ITM2C: variants seen among roughly 807,000 people sequenced by gnomAD.
ITM2C encodes BRICHOS domain containing 2C.
ITM2C carries 20 observed loss-of-function variants against 30.0 expected under a neutral mutation model. The ratio of observed to expected loss-of-function variants is 0.67; its 90% CI spans 0.47 to 0.97. ITM2C has a LOEUF of 0.97. Among genes scored for constraint, ITM2C ranks in the 50% least tolerant of loss-of-function variants. The pLI is 0.00. For synonymous variants in ITM2C, 167 were observed against 156.4 expected, an observed-to-expected ratio of 1.07 and a Z score of -0.51; for missense variants, 366 against 371.9, an observed-to-expected ratio of 0.98 and a Z score of 0.13.
intron 1 of ITM2C, among the ~76,000 whole-genome samples, chr2:230,868,506 C>T (rs1697087874): frequency 1.3e-5 from 2 of 152,090 alleles, no homozygotes; most frequent in Non-Finnish European, 2.9e-5. Flanking sequence ...CATGCACGCA[C>T]AGATGTGGGC....
intron 1 of ITM2C, among the ~76,000 whole-genome samples, chr2:230,869,970 G>A (rs1336733902): frequency 6.6e-6 from 1 of 152,254 alleles, no homozygotes; most frequent in African/African-American, 2.4e-5. Context: ...CTCACTGTCA[G>A]TAACTGCTTC....
At chr2:230,876,139 G>T (rs931566732) in intron 3 of ITM2C, among the ~76,000 whole-genome samples, 1 of 152,222 alleles carries the variant, frequency 6.6e-6, no homozygotes, top group Admixed American at 6.5e-5. Flanking sequence ...GGTCTCATGC[G>T]TATTCATGTA....
rs1689987727 is a variant in ITM2C, at chr2:230,878,311, C to T, written c.*212C>T. 1.1e-5 allele frequency: 4 copies of T among 371,114 alleles called. No individual in the cohort carries two copies. Among genetic ancestry groups the T allele is most frequent in the Middle Eastern group, 6.9e-4 (1 of 1,450 alleles). 23.0% of individuals were successfully genotyped at this position (371,114 alleles called of 1,614,324 possible). A position where few individuals can be genotyped will look rare whatever the true frequency, so the allele number is the denominator to read the frequency against. On this transcript the variant is annotated 3_prime_UTR_variant, in exon 6 of 6. Coordinates refer to ENST00000326427, the MANE Select transcript of ITM2C (RefSeq NM_030926.6). This position sits in a 1 kb window ranked among gnomAD's most constrained non-coding sequence, Gnocchi z 4.5. ...CCCATCTCTGCTGACCTGGGTGTGG[C>T]GGAGGGAGAGGCGATGCTGCAAAGT...
chr2:230,875,781 T>G lies in ITM2C; in HGVS notation c.423T>G (p.Pro141=), dbSNP rs1238997144. 7.2e-7 allele frequency: 1 copy of G among 1,396,116 alleles called. No homozygotes were observed. The highest frequency in any genetic ancestry group is 3.9e-5 in the East Asian group (1 of 25,564). 86.5% of individuals were successfully genotyped at this position (1,396,116 alleles called of 1,614,324 possible). The change falls in exon 3 of 6, where the codon CCT becomes CCG. Residue 141 remains proline (P), a synonymous_variant. Coordinates refer to ENST00000326427, the MANE Select transcript of ITM2C (RefSeq NM_030926.6). ...TGCCCCAGTTTGGCGGCGGTGACCC[T>G]GCAGACATCATCCATGACTTCCAGC... is the stretch of plus-strand genomic sequence containing the variant. ...VPVPQFGGGD[P]ADIIHDFQRG... is the part of the protein sequence containing the mutation.
chr2:230,872,411 C>T (rs775637229), intron 1 of ITM2C, among the ~76,000 whole-genome samples: 2 of 152,154 alleles, frequency 1.3e-5, no homozygotes, highest in East Asian at 1.9e-4. Flanking sequence ...GGCTGGCTCT[C>T]GTCAGTGCTC....
Position 230,865,436 on chromosome 2 carries a change from CT to C in ITM2C, c.120+293del. On this transcript the variant is annotated intron_variant, in intron 1 of 5. Transcript: ENST00000326427. This position sits in a 1 kb window ranked among gnomAD's most constrained non-coding sequence, Gnocchi z 6.8. Reference sequence around the variant, plus strand: ...CCAAAAGTGGGGGCCCCCTCGCCGCCTTATAGGGGGAGGGGGCTGGTCCGAA... The same window carrying C: ...CCAAAAGTGGGGGCCCCCTCGCCGCCTATAGGGGGAGGGGGCTGGTCCGAA... The C allele has an allele frequency of 3.1e-6, 1 of 318,928 alleles. No homozygotes were observed. The highest frequency in any genetic ancestry group is 5.7e-6 in the Non-Finnish European group (1 of 175,414). 19.8% of individuals were successfully genotyped at this position (318,928 alleles called of 1,614,324 possible). A position where few individuals can be genotyped will look rare whatever the true frequency, so the allele number is the denominator to read the frequency against.
chr2:230,875,968 A>G (rs1227534359), intron 3 of ITM2C, among the ~76,000 whole-genome samples, 160 bp downstream of exon 3: 1 of 152,138 alleles, frequency 6.6e-6, no homozygotes, highest in Non-Finnish European at 1.5e-5. Flanking sequence ...GTTAGCAACA[A>G]TGGTTCTTGC....
In ITM2C at chr2:230,865,019, C is replaced by G; in HGVS notation, c.-7C>G. 6.7e-7 allele frequency: 1 copy of G among 1,492,132 alleles called. No homozygotes were observed. The highest frequency in any genetic ancestry group is 1.3e-5 in the South Asian group (1 of 77,736). The allele number at this position is 1,492,132 out of a possible 1,614,324, so 92.4% of individuals were successfully genotyped here. ...GCTGCGGGGCGGACGCGCGGGCCGGCGCAGCCATGGTGAAGATTAGCTTCC... is the reference window on the plus strand; with the variant it reads ...GCTGCGGGGCGGACGCGCGGGCCGGGGCAGCCATGGTGAAGATTAGCTTCC... On this transcript the variant is annotated 5_prime_UTR_variant, in exon 1 of 6. Coordinates refer to ENST00000326427, the MANE Select transcript of ITM2C (RefSeq NM_030926.6). The surrounding 1 kb of genome is among the most constrained non-coding windows in gnomAD (Gnocchi z 6.8).
chr2:230,865,457 T>G lies in ITM2C; in HGVS notation c.120+312T>G. Reference sequence around the variant, plus strand: ...CCGCCTTATAGGGGGAGGGGGCTGGTCCGAAGAAGTTCGAGGAATGTTGGT... The same window carrying G: ...CCGCCTTATAGGGGGAGGGGGCTGGGCCGAAGAAGTTCGAGGAATGTTGGT... On this transcript the variant is annotated intron_variant, in intron 1 of 5. Transcript: ENST00000326427. This position sits in a 1 kb window ranked among gnomAD's most constrained non-coding sequence, Gnocchi z 6.8. 1 of 259,630 alleles carries G rather than the reference T, an allele frequency of 3.9e-6. No homozygotes were observed. Among genetic ancestry groups the G allele is most frequent in the Non-Finnish European group, 7.2e-6 (1 of 137,984 alleles). 16.1% of individuals were successfully genotyped at this position (259,630 alleles called of 1,614,324 possible).
At chr2:230,868,963 G>C (rs764738018) in intron 1 of ITM2C, among the ~76,000 whole-genome samples, 1 of 152,224 alleles carries the variant, frequency 6.6e-6, no homozygotes, top group Non-Finnish European at 1.5e-5. Flanking sequence ...CTTTCCTGCC[G>C]CTTCTCTCTC....
Position 230,865,000 on chromosome 2 carries a change from G to A in ITM2C, c.-26G>A, listed in dbSNP as rs763578686. ...CGAGGCTGCACCGGCAGAGGCTGCG[G>A]GGCGGACGCGCGGGCCGGCGCAGCC... On this transcript the variant is annotated 5_prime_UTR_variant, in exon 1 of 6. Coordinates refer to ENST00000326427, the MANE Select transcript of ITM2C (RefSeq NM_030926.6). The surrounding 1 kb of genome is among the most constrained non-coding windows in gnomAD (Gnocchi z 4.3). 1.1e-5 allele frequency: 16 copies of A among 1,454,038 alleles called. No homozygotes were observed. The East Asian group carries it at 3.1e-4, about 28-fold the overall frequency. 90.1% of individuals were successfully genotyped at this position (1,454,038 alleles called of 1,614,324 possible).
chr2:230,871,627 G>A lies in ITM2C; in HGVS notation c.121-1790G>A, dbSNP rs537067883. Among the ~76,000 whole-genome samples the A allele has an allele frequency of 9.2e-5, 14 of 152,336 alleles. No individual in the cohort carries two copies. The South Asian group carries it at 1.2e-3, about 14-fold the overall frequency. Reference sequence around the variant, plus strand: ...GCAGGGCAAGGTGGGGAGAGGCCCCGGCCTCCTCATGGGCCAGGCAGTGCG... The same window carrying A: ...GCAGGGCAAGGTGGGGAGAGGCCCCAGCCTCCTCATGGGCCAGGCAGTGCG... On this transcript the variant is annotated intron_variant, in intron 1 of 5. Coordinates refer to ENST00000326427, the MANE Select transcript of ITM2C (RefSeq NM_030926.6).
intron 1 of ITM2C, among the ~76,000 whole-genome samples, chr2:230,866,655 G>T (rs1352658094): frequency 6.6e-6 from 1 of 152,194 alleles, no homozygotes; most frequent in East Asian, 1.9e-4. Flanking sequence ...GAAGAAGATG[G>T]TTCTGCAGCT....
chr2:230,865,240 A>G lies in ITM2C; in HGVS notation c.120+95A>G. Reference sequence around the variant, plus strand: ...CCCTGGGGACTGCCCGAGGCGCGTCAGGGCCCCAGAGCCCGGGGTGGAGCA... The same window carrying G: ...CCCTGGGGACTGCCCGAGGCGCGTCGGGGCCCCAGAGCCCGGGGTGGAGCA... On this transcript the variant is annotated intron_variant, in intron 1 of 5. Transcript: ENST00000326427. The surrounding 1 kb of genome is among the most constrained non-coding windows in gnomAD (Gnocchi z 6.8). 8.2e-7 allele frequency: 1 copy of G among 1,225,464 alleles called. No homozygotes were observed. Among genetic ancestry groups the G allele is most frequent in the Non-Finnish European group, 1.0e-6 (1 of 961,618 alleles). The allele number at this position is 1,225,464 out of a possible 1,614,324, so 75.9% of individuals were successfully genotyped here.
intron 2 of ITM2C, among the ~76,000 whole-genome samples, 197 bp from the exon 3 acceptor site, chr2:230,875,423 A>G (rs1697267565): frequency 6.6e-6 from 1 of 151,954 alleles, no homozygotes; most frequent in Non-Finnish European, 1.5e-5. Flanking sequence ...TCATCTCCTC[A>G]CTGGCAGCCC....
intron 1 of ITM2C, among the ~76,000 whole-genome samples, chr2:230,871,301 C>G (rs556771379): frequency 6.6e-6 from 1 of 152,392 alleles, no homozygotes; most frequent in South Asian, 2.1e-4. Flanking sequence ...TTCCTTAAGA[C>G]CTGCTCAGGA....
Position 230,864,949 on chromosome 2 carries a change from G to A in ITM2C, c.-77G>A, listed in dbSNP as rs1696984852. The A allele has an allele frequency of 5.3e-6, 7 of 1,328,476 alleles. No homozygotes were observed. The highest frequency in any genetic ancestry group is 3.5e-5 in the Admixed American group (1 of 28,978). The allele number at this position is 1,328,476 out of a possible 1,614,324, so 82.3% of individuals were successfully genotyped here. A position where few individuals can be genotyped will look rare whatever the true frequency, so the allele number is the denominator to read the frequency against. ...GGGATCCAAACTTCCGGTGCCTGCAGAGCTCGGAGCGGCGGAGGCAGAGAC... is the reference window on the plus strand; with the variant it reads ...GGGATCCAAACTTCCGGTGCCTGCAAAGCTCGGAGCGGCGGAGGCAGAGAC... On this transcript the variant is annotated 5_prime_UTR_variant, in exon 1 of 6. Coordinates refer to ENST00000326427, the MANE Select transcript of ITM2C (RefSeq NM_030926.6). The surrounding 1 kb of genome is among the most constrained non-coding windows in gnomAD (Gnocchi z 4.3).
In ITM2C at chr2:230,877,344, G is replaced by C; in HGVS notation, c.562-56G>C. 2 of 1,587,538 alleles carry C rather than the reference G, an allele frequency of 1.3e-6. No individual in the cohort carries two copies. The highest frequency in any genetic ancestry group is 4.5e-5 in the East Asian group (2 of 44,628). On this transcript the variant is annotated intron_variant, in intron 4 of 5. Transcript: ENST00000326427. This position sits in a 1 kb window ranked among gnomAD's most constrained non-coding sequence, Gnocchi z 4.8. ...GAGGTGGGCTGGCATTTCGGGCGAG[G>C]GGTTGGACGAAAGCCTGAGGGGCCG...
chr2:230,876,741 A>C, intron 3 of ITM2C, 116 bp from the exon 4 acceptor site: 1 of 661,684 alleles, frequency 1.5e-6, no homozygotes, highest in Non-Finnish European at 2.7e-6. Context: ...CAGCCTCCCA[A>C]AGTGCTGGGA....
Sources: allele counts gnomAD v4.1 joint callset (sites outside exome capture counted in the v4.1 genomes callset), GRCh38; gene constraint gnomAD v4.1.1; non-coding constraint Gnocchi (gnomAD v3.1); transcripts MANE v1.5; gene names NCBI Gene and HGNC (gene_info 2026-07-23, HGNC 2026-07-21).